AGXT2: variants seen among roughly 807,000 people sequenced by gnomAD.
The protein encoded by AGXT2 is alanine--glyoxylate aminotransferase 2, mitochondrial.
A neutral mutation model predicts 62.5 loss-of-function variants in AGXT2; 61 were observed. The ratio of observed to expected loss-of-function variants is 0.98; its 90% confidence interval spans 0.79 to 1.21. The LOEUF (loss-of-function observed/expected upper bound fraction) is 1.21, where lower values mean the gene tolerates loss of function less well. Ranked by LOEUF, AGXT2 falls within the 50% of genes most tolerant of loss-of-function variation. AGXT2 has a pLI of 0.00. For missense variants in AGXT2, 666 were observed against 641.5 expected (o/e 1.04, Z -0.41); for synonymous variants, 243 against 218.7 (o/e 1.11, Z -0.98).
intron 9 of AGXT2, among the ~76,000 whole-genome samples, chr5:35,015,849 C>CAAAAAAA (rs557021858): frequency 4.3e-5 from 3 of 69,488 alleles, no homozygotes; most frequent in African/African-American, 6.2e-5. Context: ...GACTCCATCT[C>CAAAAAAA]AAAAAAAAAA....
intron 7 of AGXT2, among the ~76,000 whole-genome samples, chr5:35,032,236 G>A (rs1399604277): frequency 6.6e-6 from 1 of 151,632 alleles, no homozygotes; most frequent in Admixed American, 6.6e-5. Context: ...ATAGCTGTCA[G>A]CCACCATGCC....
chr5:35,039,380 G>A lies in AGXT2; in HGVS notation c.306C>T (p.Ser102=). The part of the protein sequence containing the change: ...HMEWLFDAEG[S]RYLDFFSGIV... ...TCCCGGAAAAGAAATCCAGGTATCT[G>A]CTTCCTTCAGCATCAAAGAGCCACT... The change falls in exon 3 of 14, where the codon AGC becomes AGT. Residue 102 remains serine (S), a synonymous_variant. Transcript: ENST00000231420. 1.2e-6 allele frequency: 2 copies of A among 1,614,146 alleles called. No individual in the cohort carries two copies. The highest frequency in any genetic ancestry group is 1.7e-6 in the Non-Finnish European group (2 of 1,179,996).
At chr5:35,012,910 T>C (rs1284520749) in intron 11 of AGXT2, 44 bp downstream of exon 11, 2 of 1,514,404 alleles carry the variant, frequency 1.3e-6, no homozygotes, top group South Asian at 1.2e-5. Flanking sequence ...TTTGAAAGAG[T>C]CATTTGTGAA....
chr5:35,007,866 C>T (rs1306179009), intron 12 of AGXT2, among the ~76,000 whole-genome samples: 1 of 152,128 alleles, frequency 6.6e-6, no homozygotes, highest in African/African-American at 2.4e-5. Context: ...GTGCTGTCCT[C>T]TCCATGATGA....
chr5:35,033,541 AT>A lies in AGXT2; in HGVS notation c.593del (p.His198LeufsTer10). The A allele has an allele frequency of 6.2e-7, 1 of 1,613,592 alleles. No homozygotes were observed. ...IDIISFRGAYHGCSPYTLGLT... is the reference protein window; with the variant it reads ...IDIISFRGAYXGCSPYTLGLT... ...AGCCAAGTGTGTAAGGACTGCATCC[AT>A]GGTAGGCTCCTCTGCAGAGAAGAAA... On this transcript the variant is annotated frameshift_variant, in exon 6 of 14. Transcript: ENST00000231420. LOFTEE classifies it high-confidence loss of function.
At chr5:35,003,136 T>C (rs1766295049) in intron 13 of AGXT2, among the ~76,000 whole-genome samples, 1 of 152,176 alleles carries the variant, frequency 6.6e-6, no homozygotes, top group South Asian at 2.1e-4. Flanking sequence ...GAGCTGGGCA[T>C]GGCTTTTCAA....
At chr5:35,043,856 A>G (rs1352081617) in intron 1 of AGXT2, among the ~76,000 whole-genome samples, 7 of 152,030 alleles carry the variant, frequency 4.6e-5, no homozygotes, top group Non-Finnish European at 8.8e-5. Flanking sequence ...ACACCCGGCT[A>G]GTGTTTTGTA....
intron 12 of AGXT2, among the ~76,000 whole-genome samples, chr5:35,008,558 C>G (rs1225983259): frequency 6.6e-6 from 1 of 152,224 alleles, no homozygotes; most frequent in Non-Finnish European, 1.5e-5. Context: ...CTTGTGAGCT[C>G]TTCTCCATTG....
At chr5:35,040,497 C>A in intron 2 of AGXT2, 78 bp downstream of exon 2, 1 of 1,373,396 alleles carries the variant, frequency 7.3e-7, no homozygotes, top group South Asian at 1.2e-5. Context: ...ATTTTTGTGT[C>A]ATTCTTAAGG....
rs753244554 is a variant in AGXT2, at chr5:35,047,853, G to A, written c.40C>T (p.Leu14=). The change falls in exon 1 of 14, where the codon CTG becomes TTG. Residue 14 remains leucine, a synonymous_variant. Coordinates refer to ENST00000231420, the MANE Select transcript of AGXT2 (RefSeq NM_031900.4). The stretch of plus-strand genomic sequence containing the variant: ...AGGATCCTGGGAGCGGAAGTGACCA[G>A]GCACAAGGGTCTCAGCAAATGTCTC... ...IWRHLLRPLC[L]VTSAPRILEM... 3 of 1,614,096 alleles carry A rather than the reference G, an allele frequency of 1.9e-6. No individual in the cohort carries two copies. The South Asian group carries it at 3.3e-5, about 18-fold the overall frequency.
chr5:35,039,243 T>A, intron 3 of AGXT2, 81 bp downstream of exon 3: 1 of 1,476,068 alleles, frequency 6.8e-7, no homozygotes, highest in Non-Finnish European at 9.5e-7. Flanking sequence ...GATAAGCAAA[T>A]CAAGAGTTCA....
At chr5:35,046,580 G>A (rs554163728) in intron 1 of AGXT2, among the ~76,000 whole-genome samples, 5 of 152,312 alleles carry the variant, frequency 3.3e-5, no homozygotes, top group African/African-American at 1.2e-4. Flanking sequence ...TTTGTGGAAT[G>A]AGATAATAGT....
At chr5:35,041,960 T>C (rs1321411342) in intron 1 of AGXT2, among the ~76,000 whole-genome samples, 3 of 152,242 alleles carry the variant, frequency 2.0e-5, no homozygotes, top group Admixed American at 2.0e-4. Flanking sequence ...TTGATAGCTT[T>C]AGTTTTCTGA....
intron 9 of AGXT2, among the ~76,000 whole-genome samples, chr5:35,014,402 G>T (rs557357585): frequency 7.5e-6 from 1 of 133,008 alleles, no homozygotes; most frequent in East Asian, 2.1e-4. Context: ...GCAGTGAGCC[G>T]AGATTGCACC....
At chr5:35,005,288 G>C (rs527357175) in intron 12 of AGXT2, among the ~76,000 whole-genome samples, 1 of 152,228 alleles carries the variant, frequency 6.6e-6, no homozygotes, top group South Asian at 2.1e-4. Context: ...CAGTGCAGTG[G>C]TGCAATCTTG....
At chr5:35,002,041 C>T (rs1428651710) in intron 13 of AGXT2, among the ~76,000 whole-genome samples, 1 of 152,054 alleles carries the variant, frequency 6.6e-6, no homozygotes, top group African/African-American at 2.4e-5. Context: ...TTTCAGTTTC[C>T]AGAATGACAC....
rs776544997 is a variant in AGXT2, at chr5:35,036,978, T to C, written c.450A>G (p.Ala150=). ...VFFHPPMHEY[A]EKLAALLPEP... is the part of the protein sequence containing the mutation. The stretch of plus-strand genomic sequence containing the variant: ...CAGGAAGAAGTGCGGCAAGCTTCTC[T>C]GCATATTCATGCATTGGAGGGTGGA... The change falls in exon 4 of 14, where the codon GCA becomes GCG. Residue 150 remains alanine (A), a synonymous_variant. Transcript: ENST00000231420. 1.2e-6 allele frequency: 2 copies of C among 1,614,200 alleles called. No individual in the cohort carries two copies. Among genetic ancestry groups the C allele is most frequent in the Admixed American group, 1.7e-5 (1 of 60,028 alleles).
intron 1 of AGXT2, among the ~76,000 whole-genome samples, chr5:35,047,113 GA>G (rs1768249380): frequency 6.6e-6 from 1 of 152,186 alleles, no homozygotes; most frequent in Admixed American, 6.5e-5. Flanking sequence ...GAGGCATGAT[GA>G]AAATTCATGC....
intron 13 of AGXT2, among the ~76,000 whole-genome samples, chr5:35,001,529 C>T (rs1366632802): frequency 6.6e-6 from 1 of 152,138 alleles, no homozygotes. Flanking sequence ...TGTGTCTTTT[C>T]CTTTATCTGT....
Sources: gnomAD v4.1 joint callset for allele counts (sites outside exome capture counted in the v4.1 genomes callset) on GRCh38, gnomAD v4.1.1 for gene constraint, MANE v1.5 for transcripts, NCBI Gene and HGNC (gene_info 2026-07-23, HGNC 2026-07-21) for gene names.